Variants in PLCH1 observed in about 807,000 individuals in gnomAD.
PLCH1 encodes the protein 1-phosphatidylinositol 4,5-bisphosphate phosphodiesterase eta-1.
A neutral mutation model predicts 126.7 loss-of-function variants in PLCH1; 60 were observed. That is an observed-to-expected ratio of 0.47 (90% CI 0.38 to 0.59). PLCH1 has a LOEUF of 0.59. Among genes scored for constraint, PLCH1 ranks in the 20% least tolerant of loss-of-function variants. The probability of loss-of-function intolerance (pLI) is 0.00; values close to 1 mark genes in which losing one functional copy is unlikely to be tolerated. For missense variants in PLCH1, 1,723 were observed against 2,040.0 expected (o/e 0.84, Z 2.99); for synonymous variants, 719 against 734.9 (o/e 0.98, Z 0.35).
rs186747871 is a variant in PLCH1, at chr3:155,470,005, A to G, written c.2938+15351T>C. ...ACAGAACAGAAAAACTGGAAACTCT[A>G]AAACGCAGAACGCCTCTCCTCCTCC... On this transcript the variant is annotated intron_variant, in intron 21 of 21. Coordinates refer to the PLCH1 transcript ENST00000494598. Among the ~76,000 whole-genome samples, 1,344 of 152,336 alleles carry G rather than the reference A, an allele frequency of 8.8e-3. 14 individuals are homozygous for G. The highest frequency in any genetic ancestry group is 0.052 in the South Asian group (253 of 4,820).
chr3:155,586,042 C>T (rs770892194), intron 5 of PLCH1, 23 bp downstream of exon 5: 6 of 1,609,210 alleles, frequency 3.7e-6, no homozygotes, highest in African/African-American at 1.3e-5. Context: ...TTATATAAGG[C>T]CAGTGAAATT....
In PLCH1 at chr3:155,569,947, T is replaced by C. The variant is rs926345257; in HGVS notation, c.772-1623A>G. Among the ~76,000 whole-genome samples the C allele has an allele frequency of 2.6e-5, 4 of 152,222 alleles. No individual in the cohort carries two copies. In the South Asian group the frequency reaches 8.3e-4, roughly 32 times the overall value. On this transcript the variant is annotated intron_variant, in intron 6 of 22. Coordinates refer to ENST00000460012, the MANE Select transcript of PLCH1 (RefSeq NM_014996.4). ...TAATTCAGGATACAGTGAAGACTTT[T>C]ATAACCAAAAACATCATATTTGAAA...
In PLCH1 at chr3:155,705,535, C is replaced by T. The variant is rs1005108268; in HGVS notation, c.-40-1271G>A. On this transcript the variant is annotated intron_variant, in intron 1 of 22. Transcript: ENST00000460012. ...TTATGAAAACAACCCAACCTCTGCC[C>T]TCTCCCCAGCCAATACTATATACTA... Among the ~76,000 whole-genome samples, 17 of 152,250 alleles carry T rather than the reference C, an allele frequency of 1.1e-4. 1 individual carries two copies. The highest frequency in any genetic ancestry group is 6.8e-3 in the Middle Eastern group (2 of 294).
chr3:155,567,821 AG>A (rs1357631752), intron 7 of PLCH1, among the ~76,000 whole-genome samples: 1 of 121,670 alleles, frequency 8.2e-6, no homozygotes, highest in Non-Finnish European at 2.1e-5. Flanking sequence ...GCTACCAATT[AG>A]GAAATACAGT....
intron 2 of PLCH1, among the ~76,000 whole-genome samples, chr3:155,617,451 C>G (rs1214194803): frequency 1.4e-5 from 2 of 146,254 alleles, no homozygotes; most frequent in Non-Finnish European, 3.0e-5. Flanking sequence ...TTGCTTGAAA[C>G]TTTGCTGATC....
At chr3:155,597,013 C>A (rs1318786336) in intron 2 of PLCH1, among the ~76,000 whole-genome samples, 1 of 152,148 alleles carries the variant, frequency 6.6e-6, no homozygotes, top group Non-Finnish European at 1.5e-5. Flanking sequence ...AGGTAATATC[C>A]AAATCACTTA....
rs376260102 is a variant in PLCH1 at position 155,488,112 on chromosome 3, T to A, written c.2540-5A>T. On this transcript the variant is annotated splice_region_variant and splice_polypyrimidine_tract_variant and intron_variant, in intron 20 of 22. Coordinates refer to ENST00000460012, the MANE Select transcript of PLCH1 (RefSeq NM_014996.4). ...CCAAATAGACATGCCGGTAGCCTGA[T>A]AAAAGGAAAGAGAGTCGTTTCTTTT... The A allele has an allele frequency of 3.1e-6, 5 of 1,594,020 alleles. No homozygotes were observed. In the Admixed American group the frequency reaches 8.3e-5, roughly 27 times the overall value.
intron 4 of PLCH1, among the ~76,000 whole-genome samples, chr3:155,589,427 A>G (rs1731811526): frequency 6.6e-6 from 1 of 152,084 alleles, no homozygotes; most frequent in African/African-American, 2.4e-5. Flanking sequence ...CAGGTCACAA[A>G]ATGTTTTTCT....
At chr3:155,505,996 A>G (rs1560084046) in intron 12 of PLCH1, among the ~76,000 whole-genome samples, 2 of 152,044 alleles carry the variant, frequency 1.3e-5, no homozygotes, top group African/African-American at 2.4e-5. Flanking sequence ...GGACCTTTTA[A>G]GAATAAAATG....
At position 155,487,917 on chromosome 3, in the gene PLCH1, T is replaced by A. The variant is rs925383326; in HGVS notation, c.2619+111A>T. 1.2e-5 allele frequency: 8 copies of A among 694,266 alleles called. No individual in the cohort carries two copies. The African/African-American group carries it at 1.4e-4, about 12-fold the overall frequency. 43.0% of individuals were successfully genotyped at this position (694,266 alleles called of 1,614,324 possible). On this transcript the variant is annotated intron_variant, in intron 21 of 22. Coordinates refer to ENST00000460012, the MANE Select transcript of PLCH1 (RefSeq NM_014996.4). ...GGCTTGCTGGGCCTCCTTAGAGTTT[T>A]TGGTTCAAGAACAGTTTGTCAAAAT... is the stretch of plus-strand genomic sequence containing the variant.
intron 2 of PLCH1, among the ~76,000 whole-genome samples, chr3:155,679,126 G>C (rs35520760): frequency 0.012 from 1,871 of 152,218 alleles, 15 homozygotes; most frequent in Non-Finnish European, 0.021. Flanking sequence ...TTATGGGTAG[G>C]GTTGTCATAT....
chr3:155,545,065 CA>C (rs1215839508), intron 10 of PLCH1, among the ~76,000 whole-genome samples: 2 of 132,248 alleles, frequency 1.5e-5, no homozygotes. Context: ...AATAGAGACA[CA>C]AAAAACCCTT....
chr3:155,577,712 T>C (rs922992035), intron 6 of PLCH1, among the ~76,000 whole-genome samples: 2 of 152,186 alleles, frequency 1.3e-5, no homozygotes. Context: ...GGCTTCTGTT[T>C]TCCCTAACTA....
intron 1 of PLCH1, among the ~76,000 whole-genome samples, chr3:155,711,247 T>C (rs1284033981): frequency 6.6e-6 from 1 of 152,180 alleles, no homozygotes; most frequent in Non-Finnish European, 1.5e-5. Flanking sequence ...AAAATGCTCC[T>C]AAGCTCATTT....
chr3:155,679,331 T>C (rs1012906329), intron 2 of PLCH1, among the ~76,000 whole-genome samples: 5 of 152,184 alleles, frequency 3.3e-5, no homozygotes, highest in Non-Finnish European at 7.3e-5. Context: ...TGGGGAGGGC[T>C]GGTGCTCTCT....
intron 12 of PLCH1, among the ~76,000 whole-genome samples, chr3:155,511,879 C>T (rs1719584423): frequency 6.6e-6 from 1 of 152,114 alleles, no homozygotes; most frequent in Non-Finnish European, 1.5e-5. Context: ...GTGGGCTCCA[C>T]CCAGTTCGAG....
chr3:155,540,188 T>C (rs530976649), intron 10 of PLCH1, among the ~76,000 whole-genome samples: 3 of 152,230 alleles, frequency 2.0e-5, no homozygotes, highest in African/African-American at 4.8e-5. Flanking sequence ...GCAAAGCACA[T>C]GTAGAAGAAT....
chr3:155,722,587 T>A (rs1337140835), intron 1 of PLCH1, among the ~76,000 whole-genome samples: 1 of 152,214 alleles, frequency 6.6e-6, no homozygotes, highest in Non-Finnish European at 1.5e-5. Context: ...ATCATGTGAT[T>A]TTTGTTTTTA....
intron 2 of PLCH1, among the ~76,000 whole-genome samples, chr3:155,637,965 T>C (rs1032499652): frequency 1.4e-4 from 21 of 151,922 alleles, no homozygotes; most frequent in Admixed American, 4.6e-4. Flanking sequence ...AAGCAAGGGG[T>C]TCAACAGTTA....
Sources: allele counts gnomAD v4.1 joint callset (sites outside exome capture counted in the v4.1 genomes callset), GRCh38; gene constraint gnomAD v4.1.1; transcripts MANE v1.5; gene names NCBI Gene and HGNC (gene_info 2026-07-23, HGNC 2026-07-21).